The following LYAR variants were observed in gnomAD, a reference collection of about 807,000 sequenced individuals.
LYAR encodes the protein cell growth-regulating nucleolar protein.
LYAR carries 37 observed loss-of-function variants against 45.2 expected under a neutral mutation model. The observed-to-expected ratio is 0.82, with a 90% confidence interval of 0.63 to 1.08. LYAR has a LOEUF of 1.08. Ranked by LOEUF, LYAR falls within the 50% of genes least tolerant of loss-of-function variation. The probability of loss-of-function intolerance (pLI) is 0.00; values close to 1 mark genes in which losing one functional copy is unlikely to be tolerated. For missense variants in LYAR, 493 were observed against 451.0 expected, an observed-to-expected ratio of 1.09 and a Z score of -0.84; for synonymous variants, 176 against 155.1, an observed-to-expected ratio of 1.14 and a Z score of -1.00.
intron 3 of LYAR, 86 bp downstream of exon 3, chr4:4,283,535 C>T: frequency 7.1e-7 from 1 of 1,403,294 alleles, no homozygotes; most frequent in Non-Finnish European, 9.7e-7. Context: ...TCAAATTTGC[C>T]ACTATTTTTC....
At chr4:4,285,995 T>C (rs1719596024) in intron 2 of LYAR, among the ~76,000 whole-genome samples, 2 of 152,220 alleles carry the variant, frequency 1.3e-5, no homozygotes, top group Non-Finnish European at 2.9e-5. Flanking sequence ...AGAAGGTGAT[T>C]AGAATCTGGT....
intron 6 of LYAR, among the ~76,000 whole-genome samples, chr4:4,278,530 C>T (rs1719278187): frequency 6.6e-6 from 1 of 152,168 alleles, no homozygotes; most frequent in Non-Finnish European, 1.5e-5. Flanking sequence ...AAGCACACTG[C>T]TCATCTACCT....
intron 4 of LYAR, among the ~76,000 whole-genome samples, chr4:4,281,574 C>G (rs1719394870): frequency 6.6e-6 from 1 of 152,218 alleles, no homozygotes; most frequent in South Asian, 2.1e-4. Flanking sequence ...CTGCCTTGGC[C>G]TCCCAAAGTG....
chr4:4,268,553 T>C lies in LYAR; in HGVS notation c.982A>G (p.Thr328Ala), dbSNP rs1718802895. The change falls in exon 9 of 10, where the codon ACC (threonine) becomes GCC (alanine). Residue 328 changes from threonine (T) to alanine (A), a missense_variant. Coordinates refer to ENST00000343470, the MANE Select transcript of LYAR (RefSeq NM_017816.3). ...ACCTTTTTCCTTAGCTTTTTGATGG[T>C]TATTTCATTGTCTGGGGCCTGTTTC... ...ILKQAPDNEI[T>A]IKKLRKKVLA... is the part of the protein sequence containing the mutation. 2 of 1,612,440 alleles carry C rather than the reference T, an allele frequency of 1.2e-6. No individual in the cohort carries two copies. Among genetic ancestry groups the C allele is most frequent in the Non-Finnish European group, 1.7e-6 (2 of 1,179,006 alleles).
At chr4:4,273,812 C>T (rs1719052780) in intron 7 of LYAR, 143 bp from the exon 8 acceptor site, 1 of 592,678 alleles carries the variant, frequency 1.7e-6, no homozygotes, top group Admixed American at 3.0e-5. Context: ...GTTTATAAAA[C>T]CCCAGGAGGG....
In LYAR at chr4:4,270,335, G is replaced by C. The variant is rs190553750; in HGVS notation, c.920-1720C>G. Among the ~76,000 whole-genome samples, 222 of 146,896 alleles carry C rather than the reference G, an allele frequency of 1.5e-3. 2 individuals carry two copies. Among genetic ancestry groups the C allele is most frequent in the Non-Finnish European group, 8.9e-5 (6 of 67,276 alleles). ...AAAACAAAAAAATCTTTAGGCTCTA[G>C]GGCTAGGTAAAGAGTTGTTAGCACA... On this transcript the variant is annotated intron_variant, in intron 8 of 9. Coordinates refer to ENST00000343470, the MANE Select transcript of LYAR (RefSeq NM_017816.3).
At chr4:4,268,640 A>G in intron 8 of LYAR, 25 bp from the exon 9 acceptor site, 1 of 1,462,534 alleles carries the variant, frequency 6.8e-7, no homozygotes, top group Non-Finnish European at 9.5e-7. Flanking sequence ...ATAATATTTA[A>G]GACATTTCGT....
At chr4:4,276,061 C>G (rs950126854) in intron 6 of LYAR, among the ~76,000 whole-genome samples, 1 of 152,146 alleles carries the variant, frequency 6.6e-6, no homozygotes, top group Non-Finnish European at 1.5e-5. Flanking sequence ...CAAGTTCAGT[C>G]CCATTCCTTC....
Position 4,267,873 on chromosome 4 carries a change from T to G in LYAR, c.*16A>C. On this transcript the variant is annotated 3_prime_UTR_variant, in exon 10 of 10. Transcript: ENST00000343470. Reference sequence around the variant, plus strand: ...GAAGTCAGCAGAATGGATTCAATTTTTAAATACACAAATGTTCATTTCACA... The same window carrying G: ...GAAGTCAGCAGAATGGATTCAATTTGTAAATACACAAATGTTCATTTCACA... 6.3e-7 allele frequency: 1 copy of G among 1,599,896 alleles called. No homozygotes were observed. Among genetic ancestry groups the G allele is most frequent in the Non-Finnish European group, 8.5e-7 (1 of 1,173,788 alleles).
chr4:4,275,675 T>C (rs987404715), intron 6 of LYAR, among the ~76,000 whole-genome samples: 16 of 151,454 alleles, frequency 1.1e-4, no homozygotes, highest in African/African-American at 3.6e-4. Context: ...CTCTAATGGT[T>C]ACCCCTGTTA....
chr4:4,274,398 GC>G lies in LYAR; in HGVS notation c.800del (p.Gly267AlafsTer21). On this transcript the variant is annotated frameshift_variant, in exon 7 of 10. Transcript: ENST00000343470. LOFTEE classifies it high-confidence loss of function. Reference protein sequence around the residue: ...DSASEEEARVGAGKRKRRHSE... With the variant: ...DSASEEEARVXAGKRKRRHSE... The stretch of plus-strand genomic sequence containing the variant: ...AGTGCCTCCGCTTCCTCTTCCCTGC[GC>G]CCACGCGTGCCTCTTCCTCACTGGC... The G allele has an allele frequency of 6.8e-6, 11 of 1,613,244 alleles. No individual in the cohort carries two copies. Among genetic ancestry groups the G allele is most frequent in the Non-Finnish European group, 9.3e-6 (11 of 1,179,512 alleles).
At chr4:4,289,200 A>G (rs1719752717) in intron 1 of LYAR, among the ~76,000 whole-genome samples, 1 of 152,172 alleles carries the variant, frequency 6.6e-6, no homozygotes, top group Admixed American at 6.5e-5. Context: ...TATCTCCACT[A>G]AACAGATGAG....
intron 6 of LYAR, among the ~76,000 whole-genome samples, chr4:4,278,594 C>CA (rs1380297848): frequency 6.6e-6 from 1 of 152,190 alleles, no homozygotes; most frequent in African/African-American, 2.4e-5. Flanking sequence ...TCCAGAGGAA[C>CA]ACCTAGTCAC....
chr4:4,282,041 T>A, intron 3 of LYAR, 144 bp from the exon 4 acceptor site: 1 of 600,738 alleles, frequency 1.7e-6, no homozygotes, highest in South Asian at 2.2e-5. Flanking sequence ...ATTTCACTTA[T>A]TATGTTTACA....
At position 4,279,537 on chromosome 4, in the gene LYAR, GAAAGAA is replaced by G. The variant is rs1298103947; in HGVS notation, c.346-13_346-8del. ...AACTGTTCTTCATCCAATTCTGTAA[GAAAGAA>G]AAAGAAAAAGAACTATTGATCCCAC... is the stretch of plus-strand genomic sequence containing the variant. On this transcript the variant is annotated splice_region_variant and splice_polypyrimidine_tract_variant and intron_variant, in intron 5 of 9. Transcript: ENST00000343470. The G allele has an allele frequency of 8.7e-6, 14 of 1,600,232 alleles. No homozygotes were observed. Among genetic ancestry groups the G allele is most frequent in the Non-Finnish European group, 1.0e-5 (12 of 1,168,054 alleles).
rs74725920 is a variant in LYAR at position 4,283,943 on chromosome 4, T to A, written c.-53-148A>T. The stretch of plus-strand genomic sequence containing the variant: ...TCTACATAAAATTCCACCATTCATA[T>A]AAGTAAAACTAACATTAACAATGAG... On this transcript the variant is annotated intron_variant, in intron 2 of 9. Coordinates refer to ENST00000343470, the MANE Select transcript of LYAR (RefSeq NM_017816.3). 2,409 of 529,870 alleles carry A rather than the reference T, an allele frequency of 4.5e-3. 50 individuals are homozygous for A. The highest frequency in any genetic ancestry group is 0.039 in the African/African-American group (2,063 of 52,760). 32.8% of individuals were successfully genotyped at this position (529,870 alleles called of 1,614,324 possible).
chr4:4,281,718 C>G (rs1719398741), intron 4 of LYAR, 65 bp downstream of exon 4: 9 of 1,199,666 alleles, frequency 7.5e-6, no homozygotes, highest in Non-Finnish European at 1.1e-5. Context: ...CTCTTAGTCT[C>G]TTGGGCTTCC....
At chr4:4,270,009 A>C (rs968536973) in intron 8 of LYAR, among the ~76,000 whole-genome samples, 2 of 152,146 alleles carry the variant, frequency 1.3e-5, no homozygotes, top group African/African-American at 2.4e-5. Flanking sequence ...GCTTGAGCCC[A>C]GGAGTTCAAG....
chr4:4,283,485 A>G, intron 3 of LYAR, 136 bp downstream of exon 3: 1 of 907,354 alleles, frequency 1.1e-6, no homozygotes, highest in Non-Finnish European at 1.6e-6. Context: ...ACCAGTTTTA[A>G]TCAATGGAAC....
Sources: allele counts gnomAD v4.1 joint callset (sites outside exome capture counted in the v4.1 genomes callset), GRCh38; gene constraint gnomAD v4.1.1; transcripts MANE v1.5; gene names NCBI Gene and HGNC (gene_info 2026-07-23, HGNC 2026-07-21).